Variants in ANK2 observed in about 807,000 individuals in gnomAD.
ANK2 encodes the protein ankyrin-2.
Under a neutral mutation model 360.5 loss-of-function variants are expected in ANK2, and 83 were observed. That is an observed-to-expected ratio of 0.23 (90% CI 0.19 to 0.28). The LOEUF is 0.28. Among genes scored for constraint, ANK2 ranks in the 10% least tolerant of loss-of-function variants. The pLI, the probability that ANK2 is intolerant of heterozygous loss-of-function variation, is 1.00. For synonymous variants in ANK2, 1,740 were observed against 1,759.5 expected (o/e 0.99, Z 0.28); for missense variants, 4,201 against 4,795.7 (o/e 0.88, Z 3.66).
intron 23 of ANK2, among the ~76,000 whole-genome samples, chr4:113,310,341 G>A (rs531278978): frequency 4.3e-4 from 66 of 152,190 alleles, no homozygotes; most frequent in Middle Eastern, 3.4e-3. Context: ...TCGAACCTAA[G>A]TAGTATTCAG....
In ANK2 at chr4:113,330,376, C is replaced by T. The variant is rs1226180418; in HGVS notation, c.3031C>T (p.Arg1011Cys). The change falls in exon 27 of 46, where the codon CGC (arginine) becomes TGC (cysteine). Residue 1011 changes from arginine to cysteine, a missense_variant. This residue lies in a region of ANK2 where 1,268 missense variants were observed against 1,650.8 expected (regional missense o/e 0.77). Coordinates refer to ENST00000357077, the MANE Select transcript of ANK2 (RefSeq NM_001148.6). ...PTRVTCRLVK[R>C]HRLATMPPMV... Reference sequence around the variant, plus strand: ...GCGAGTCACCTGCCGACTGGTCAAGCGCCACAGACTGGCAACAATGCCTCC... The same window carrying T: ...GCGAGTCACCTGCCGACTGGTCAAGTGCCACAGACTGGCAACAATGCCTCC... 5.6e-6 allele frequency: 9 copies of T among 1,614,090 alleles called. No individual in the cohort carries two copies. The highest frequency in any genetic ancestry group is 2.2e-5 in the East Asian group (1 of 44,900).
intron 1 of ANK2, among the ~76,000 whole-genome samples, chr4:113,064,557 A>G (rs313975): frequency 0.87 from 133,078 of 152,184 alleles, 58,648 homozygotes; most frequent in East Asian, 0.98. Context: ...TATCCACCTC[A>G]CTCTAGGAGC....
At chr4:113,334,457 G>T (rs983765675) in intron 29 of ANK2, among the ~76,000 whole-genome samples, 1 of 151,972 alleles carries the variant, frequency 6.6e-6, no homozygotes, top group Non-Finnish European at 1.5e-5. Flanking sequence ...CTTGCCCTTG[G>T]ATGGGGACCC....
At chr4:112,933,340 T>TA (rs1345089653) in intron 2 of ANK2, among the ~76,000 whole-genome samples, 1 of 152,152 alleles carries the variant, frequency 6.6e-6, no homozygotes. Flanking sequence ...TTTTTCAAAA[T>TA]AAAAAATTAA....
chr4:113,193,612 G>A (rs2098704737), intron 2 of ANK2, among the ~76,000 whole-genome samples: 1 of 152,160 alleles, frequency 6.6e-6, no homozygotes, highest in Admixed American at 6.6e-5. Context: ...ATGGCACAGT[G>A]AAACTGCAGT....
chr4:113,258,080 A>C lies in ANK2; in HGVS notation c.1219A>C (p.Lys407Gln). 6.2e-7 allele frequency: 1 copy of C among 1,614,198 alleles called. No individual in the cohort carries two copies. Among genetic ancestry groups the C allele is most frequent in the Non-Finnish European group, 8.5e-7 (1 of 1,180,008 alleles). ...TTTTACTCCACTGCACATTGCCTGC[A>C]AGAAAAACCGCATCAAAGTCATGGA... ...NGFTPLHIAC[K>Q]KNRIKVMELL... The change falls in exon 12 of 46, where the codon AAG (lysine) becomes CAG (glutamine). Residue 407 changes from lysine (K) to glutamine (Q), a missense_variant. Coordinates refer to ENST00000357077, the MANE Select transcript of ANK2 (RefSeq NM_001148.6).
At chr4:112,907,422 A>G (rs1454971166) in intron 2 of ANK2, among the ~76,000 whole-genome samples, 1 of 152,206 alleles carries the variant, frequency 6.6e-6, no homozygotes, top group African/African-American at 2.4e-5. Context: ...AAAATCTGGC[A>G]TTAGCAAAGA....
At chr4:113,139,158 A>T (rs769544441) in intron 1 of ANK2, among the ~76,000 whole-genome samples, 1 of 152,176 alleles carries the variant, frequency 6.6e-6, no homozygotes, top group African/African-American at 2.4e-5. Context: ...CGTGCAACAT[A>T]TAGAACCTAG....
chr4:113,060,374 A>C (rs186530971), intron 1 of ANK2, among the ~76,000 whole-genome samples: 7 of 152,190 alleles, frequency 4.6e-5, no homozygotes, highest in African/African-American at 1.7e-4. Context: ...AGATTATCTA[A>C]TTTTATCTTC....
At chr4:113,093,013 C>T (rs1250280802) in intron 1 of ANK2, among the ~76,000 whole-genome samples, 3 of 152,118 alleles carry the variant, frequency 2.0e-5, no homozygotes, top group Non-Finnish European at 4.4e-5. Flanking sequence ...AAACTCTAGT[C>T]CCAATTCTTT....
chr4:112,744,378 G>A, the ANK2 span, among the ~76,000 whole-genome samples: 9 of 131,030 alleles, frequency 6.9e-5, no homozygotes, highest in Non-Finnish European at 1.1e-4. Context: ...ATGGGGTCTT[G>A]CTCTGTTGCC....
intron 2 of ANK2, among the ~76,000 whole-genome samples, chr4:112,964,814 C>G (rs895952254): frequency 1.3e-5 from 2 of 152,134 alleles, no homozygotes; most frequent in Non-Finnish European, 2.9e-5. Flanking sequence ...CGTGATCTGC[C>G]TGCCTCAGCC....
At chr4:112,959,500 G>T (rs1253247906) in intron 2 of ANK2, among the ~76,000 whole-genome samples, 1 of 152,140 alleles carries the variant, frequency 6.6e-6, no homozygotes, top group Non-Finnish European at 1.5e-5. Context: ...TTGAATTGAT[G>T]TAAAGATTAA....
At chr4:112,843,346 C>A (rs1473230682) in intron 1 of ANK2, among the ~76,000 whole-genome samples, 1 of 152,076 alleles carries the variant, frequency 6.6e-6, no homozygotes, top group African/African-American at 2.4e-5. Context: ...TCCCAAGTAC[C>A]CAAAGCTCCA....
intron 1 of ANK2, among the ~76,000 whole-genome samples, chr4:113,096,424 G>T (rs1237144726): frequency 6.6e-6 from 1 of 152,008 alleles, no homozygotes; most frequent in Non-Finnish European, 1.5e-5. Context: ...AGGAATCCAG[G>T]GTCCTTCTAT....
At chr4:112,759,170 C>G in the ANK2 span, among the ~76,000 whole-genome samples, 1 of 152,098 alleles carries the variant, frequency 6.6e-6, no homozygotes, top group Non-Finnish European at 1.5e-5. Context: ...GGGTCTCGCT[C>G]TGTCACCCAG....
At chr4:112,808,757 T>C in the ANK2 span, among the ~76,000 whole-genome samples, 1 of 152,296 alleles carries the variant, frequency 6.6e-6, no homozygotes, top group South Asian at 2.1e-4. Flanking sequence ...ATGACACTGG[T>C]ACAGACAAAT....
intron 15 of ANK2, 102 bp downstream of exon 15, chr4:113,274,751 C>T: frequency 1.6e-6 from 2 of 1,230,244 alleles, no homozygotes; most frequent in East Asian, 2.5e-5. Context: ...TCTCCTCAGG[C>T]CTTGACTTAC....
At chr4:112,904,537 T>G (rs1252445294) in intron 2 of ANK2, 11 of 1,452,966 alleles carry the variant, frequency 7.6e-6, no homozygotes, top group Non-Finnish European at 1.0e-5. Context: ...TTTTAAATAT[T>G]ACTTTAAAGG....
Sources: gnomAD v4.1 joint callset for allele counts (sites outside exome capture counted in the v4.1 genomes callset) on GRCh38, gnomAD v4.1.1 for gene constraint, gnomAD v4.1.1 regional missense constraint, MANE v1.5 for transcripts, NCBI Gene and HGNC (gene_info 2026-07-23, HGNC 2026-07-21) for gene names.